Variants in DNAH14 observed in about 807,000 individuals in gnomAD.
DNAH14 encodes the protein dynein axonemal heavy chain 14, also known as axonemal beta dynein heavy chain 14.
A neutral mutation model predicts 520.9 loss-of-function variants in DNAH14; 478 were observed. The ratio of observed to expected loss-of-function variants is 0.92; its 90% CI spans 0.85 to 0.99. DNAH14 has a LOEUF of 0.99. DNAH14 is among the 50% of genes least tolerant of loss of function. The pLI is 0.00. For synonymous variants in DNAH14, 1,581 were observed against 1,757.2 expected, an observed-to-expected ratio of 0.90 and a Z score of 2.51; for missense variants, 4,831 against 5,234.5, an observed-to-expected ratio of 0.92 and a Z score of 2.38.
Position 224,960,218 on chromosome 1 carries a change from A to G in DNAH14, c.283A>G (p.Lys95Glu). The stretch of plus-strand genomic sequence containing the variant: ...TCCAGAGCCAGCTTCCCTTAAGGAG[A>G]AAGGGAAGTCAAGGAGAAAAAAGGA... ...VSPEPASLKE[K>E]GKSRRKKDQT... The change falls in exon 4 of 86, where the codon AAA becomes GAA. Residue 95 changes from lysine (K) to glutamate (E), a missense_variant. Coordinates refer to ENST00000682510, the MANE Select transcript of DNAH14 (RefSeq NM_001367479.1). The G allele has an allele frequency of 6.2e-7, 1 of 1,611,360 alleles. No homozygotes were observed. Among genetic ancestry groups the G allele is most frequent in the Non-Finnish European group, 8.5e-7 (1 of 1,178,728 alleles).
intron 17 of DNAH14, among the ~76,000 whole-genome samples, chr1:225,057,581 G>T (rs532146633): frequency 6.6e-6 from 1 of 152,266 alleles, no homozygotes; most frequent in South Asian, 2.1e-4. Context: ...TAAGAGTGGT[G>T]AGAGAGGGCA....
At chr1:224,998,105 C>G (rs955014490) in intron 8 of DNAH14, among the ~76,000 whole-genome samples, 4 of 152,090 alleles carry the variant, frequency 2.6e-5, no homozygotes, top group Non-Finnish European at 5.9e-5. Flanking sequence ...CTTATGATAC[C>G]TTTGATGTCT....
chr1:224,932,573 T>A (rs970941276), intron 1 of DNAH14, among the ~76,000 whole-genome samples: 3 of 152,118 alleles, frequency 2.0e-5, no homozygotes, highest in Non-Finnish European at 2.9e-5. Flanking sequence ...ATCTTATGTT[T>A]AAGTCTTTAA....
At chr1:225,078,279 T>G (rs1221172338) in intron 17 of DNAH14, among the ~76,000 whole-genome samples, 1 of 152,174 alleles carries the variant, frequency 6.6e-6, no homozygotes, top group African/African-American at 2.4e-5. Context: ...TCCTGTGCAA[T>G]TAGAAAAAAT....
At chr1:225,203,070 C>G (rs1573959917) in intron 38 of DNAH14, among the ~76,000 whole-genome samples, 1 of 152,156 alleles carries the variant, frequency 6.6e-6, no homozygotes, top group African/African-American at 2.4e-5. Flanking sequence ...CCCAGTCCTG[C>G]AGGAGCAATC....
intron 66 of DNAH14, among the ~76,000 whole-genome samples, chr1:225,335,953 A>G (rs532110792): frequency 3.4e-5 from 5 of 146,386 alleles, no homozygotes; most frequent in Non-Finnish European, 6.0e-5. Context: ...ATATGTATAT[A>G]TACACATATA....
chr1:225,106,813 C>T lies in DNAH14; in HGVS notation c.3867+5929C>T, dbSNP rs545329754. ...TTTTTCAAGGTTTTTAACTTCTTTGCCATTGGTTCTACCTTCCTCCTTTAG... is the reference window on the plus strand; with the variant it reads ...TTTTTCAAGGTTTTTAACTTCTTTGTCATTGGTTCTACCTTCCTCCTTTAG... On this transcript the variant is annotated intron_variant, in intron 23 of 85. Transcript: ENST00000682510. Among the ~76,000 whole-genome samples the T allele has an allele frequency of 3.9e-5, 6 of 152,168 alleles. No individual in the cohort carries two copies. In the South Asian group the frequency reaches 1.2e-3, roughly 32 times the overall value.
rs146025079 is a variant in DNAH14 at position 224,985,576 on chromosome 1, G to A, written c.830+11423G>A. Among the ~76,000 whole-genome samples the A allele has an allele frequency of 2.6e-4, 40 of 152,144 alleles. No individual in the cohort carries two copies. In the East Asian group the frequency reaches 6.8e-3, roughly 26 times the overall value. Reference sequence around the variant, plus strand: ...CAGATCTCCACTAAAGAATTTACTCGTAACCAGATACCACCTGTACCCCAA... The same window carrying A: ...CAGATCTCCACTAAAGAATTTACTCATAACCAGATACCACCTGTACCCCAA... On this transcript the variant is annotated intron_variant, in intron 8 of 85. Transcript: ENST00000682510.
chr1:225,359,053 A>G (rs12751785), intron 74 of DNAH14, among the ~76,000 whole-genome samples: 15,024 of 152,292 alleles, frequency 0.099, 1,014 homozygotes, highest in East Asian at 0.33. Context: ...GTGAGAACAG[A>G]CTAATACAAT....
chr1:224,942,565 G>T (rs1344660881), intron 1 of DNAH14, among the ~76,000 whole-genome samples: 1 of 150,714 alleles, frequency 6.6e-6, no homozygotes, highest in Non-Finnish European at 1.5e-5. Context: ...GTGAGAGAGG[G>T]CATCCCTGTC....
At chr1:225,239,392 A>G (rs907740106) in intron 42 of DNAH14, among the ~76,000 whole-genome samples, 1 of 151,968 alleles carries the variant, frequency 6.6e-6, no homozygotes. Context: ...GTGCAACCCC[A>G]CACTTGGCTG....
chr1:225,307,805 G>A (rs1446916332), intron 59 of DNAH14, among the ~76,000 whole-genome samples: 1 of 152,198 alleles, frequency 6.6e-6, no homozygotes, highest in African/African-American at 2.4e-5. Context: ...TGATAATTAA[G>A]TGTAATAGTA....
At chr1:225,146,234 C>G (rs1372510442) in intron 30 of DNAH14, among the ~76,000 whole-genome samples, 1 of 152,058 alleles carries the variant, frequency 6.6e-6, no homozygotes, top group Non-Finnish European at 1.5e-5. Flanking sequence ...GTCCCATGAA[C>G]AAAATACCAA....
intron 75 of DNAH14, among the ~76,000 whole-genome samples, chr1:225,361,154 T>C (rs1204529315): frequency 6.6e-6 from 1 of 152,242 alleles, no homozygotes; most frequent in East Asian, 1.9e-4. Flanking sequence ...CCTCAAACTC[T>C]TACTCTCAAT....
intron 17 of DNAH14, among the ~76,000 whole-genome samples, chr1:225,078,224 A>G (rs954197575): frequency 1.4e-4 from 21 of 152,282 alleles, no homozygotes; most frequent in Admixed American, 2.0e-4. Context: ...ATAACTTGCT[A>G]CATTTCTGAT....
intron 21 of DNAH14, among the ~76,000 whole-genome samples, chr1:225,089,488 A>G (rs2074168494): frequency 6.6e-6 from 1 of 150,646 alleles, no homozygotes; most frequent in Non-Finnish European, 1.5e-5. Flanking sequence ...AAGAAAAGAA[A>G]AGAAAAAAGA....
intron 42 of DNAH14, among the ~76,000 whole-genome samples, chr1:225,235,608 G>A (rs1409947218): frequency 6.6e-6 from 1 of 152,166 alleles, no homozygotes; most frequent in Non-Finnish European, 1.5e-5. Flanking sequence ...AGTTTCATTA[G>A]AAATGGTACC....
At chr1:225,033,873 T>C (rs1456488537) in intron 11 of DNAH14, among the ~76,000 whole-genome samples, 1 of 152,152 alleles carries the variant, frequency 6.6e-6, no homozygotes. Flanking sequence ...CTTGGCTTGA[T>C]TGTTGTTAGT....
chr1:225,259,344 C>A (rs1411949947), intron 46 of DNAH14, 91 bp downstream of exon 46: 7 of 954,452 alleles, frequency 7.3e-6, no homozygotes, highest in African/African-American at 1.7e-5. Context: ...AAAAGCAAAT[C>A]TGTTATGTAA....
Sources: allele counts gnomAD v4.1 joint callset (sites outside exome capture counted in the v4.1 genomes callset), GRCh38; gene constraint gnomAD v4.1.1; transcripts MANE v1.5; gene names NCBI Gene and HGNC (gene_info 2026-07-23, HGNC 2026-07-21).